The following TTLL10 variants were observed in gnomAD, a reference collection of about 807,000 sequenced individuals.
TTLL10 encodes the protein tubulin tyrosine ligase like 10, also known as inactive polyglycylase TTLL10.
Under a neutral mutation model 69.0 loss-of-function variants are expected in TTLL10, and 61 were observed. That is an observed-to-expected ratio of 0.88 (90% CI 0.72 to 1.09). The LOEUF (loss-of-function observed/expected upper bound fraction) is 1.09. Ranked by LOEUF, TTLL10 falls within the 50% of genes least tolerant of loss-of-function variation. The probability of loss-of-function intolerance (pLI) is 0.00; values close to 1 mark genes in which losing one functional copy is unlikely to be tolerated. For missense variants in TTLL10, 962 were observed against 945.9 expected (o/e 1.02, Z -0.22); for synonymous variants, 408 against 393.3 (o/e 1.04, Z -0.44).
intron 13 of TTLL10, among the ~76,000 whole-genome samples, chr1:1,189,364 G>A (rs1192917118): frequency 2.0e-5 from 3 of 152,212 alleles, no homozygotes; most frequent in Admixed American, 6.5e-5. Context: ...TCTCCACTGA[G>A]ATGAGTGTGT....
chr1:1,179,037 G>A (rs765051119), intron 3 of TTLL10, among the ~76,000 whole-genome samples, 152 bp from the exon 4 acceptor site: 3 of 152,226 alleles, frequency 2.0e-5, no homozygotes, highest in Non-Finnish European at 4.4e-5. Flanking sequence ...CACAGAGACG[G>A]GAGCCAGCCG....
At chr1:1,195,025 G>A (rs1648098715) in intron 13 of TTLL10, among the ~76,000 whole-genome samples, 1 of 152,026 alleles carries the variant, frequency 6.6e-6, no homozygotes, top group Admixed American at 6.6e-5. Context: ...CAGGGTTTCT[G>A]TCACCCAAGA....
At chr1:1,191,512 T>A (rs1446933083) in intron 13 of TTLL10, among the ~76,000 whole-genome samples, 1 of 152,232 alleles carries the variant, frequency 6.6e-6, no homozygotes, top group African/African-American at 2.4e-5. Context: ...TGTCCCAGCA[T>A]ATGGTCTATC....
chr1:1,197,762 G>A lies in TTLL10; in HGVS notation c.1937G>A (p.Gly646Asp). ...CAGGCCCCGGGCACGGAGCAGTCGG[G>A]CACAGGCAACAGGCACCCGGCGCAA... Reference protein sequence around the residue: ...EPQAPGTEQSGTGNRHPAQEP... With the variant: ...EPQAPGTEQSDTGNRHPAQEP... Residue 646 changes from glycine to aspartate, a missense_variant, in exon 16 of 16, where the codon GGC (glycine) becomes GAC (aspartate). Physicochemically the swap from Gly to Asp is moderately conservative, Grantham distance 94. Coordinates refer to ENST00000379289, the MANE Select transcript of TTLL10 (RefSeq NM_001130045.2). The A allele has an allele frequency of 6.5e-7, 1 of 1,535,436 alleles. No individual in the cohort carries two copies. Among genetic ancestry groups the A allele is most frequent in the Non-Finnish European group, 8.8e-7 (1 of 1,142,564 alleles).
intron 13 of TTLL10, among the ~76,000 whole-genome samples, chr1:1,193,306 CAG>C (rs1647965673): frequency 6.6e-6 from 1 of 152,114 alleles, no homozygotes; most frequent in Non-Finnish European, 1.5e-5. Flanking sequence ...GCCTGGGTGA[CAG>C]AGCGAGACTC....
chr1:1,186,378 T>G (rs1014302410), intron 13 of TTLL10, among the ~76,000 whole-genome samples: 10 of 152,176 alleles, frequency 6.6e-5, no homozygotes, highest in African/African-American at 2.4e-4. Context: ...CGTGAGCCAC[T>G]GCACCCAGCC....
chr1:1,180,230 G>A lies in TTLL10; in HGVS notation c.396G>A (p.Gly132=). The change falls in exon 6 of 16, where the codon GGG becomes GGA. Residue 132 remains glycine, a synonymous_variant. Transcript: ENST00000379289. ...PADSDDTNAA[G]PSAALLEGLL... is the part of the protein sequence containing the mutation. ...ACTCGGATGACACTAACGCCGCCGGGCCCTCAGCTGCCCTCCTGGAGGGGC... is the reference window on the plus strand; with the variant it reads ...ACTCGGATGACACTAACGCCGCCGGACCCTCAGCTGCCCTCCTGGAGGGGC... 1 of 1,607,256 alleles carries A rather than the reference G, an allele frequency of 6.2e-7. No individual in the cohort carries two copies.
In TTLL10 at chr1:1,197,605, A is replaced by G; in HGVS notation, c.1780A>G (p.Lys594Glu). ...GCCGCCCCTGCCCACCCGCCAGGCC[A>G]AGTCCTCCGGGCCACCCATGCCGCA... The part of the protein sequence containing the change: ...RWPPLPTRQA[K>E]SSGPPMPHAP... Residue 594 changes from lysine (K) to glutamate (E), a missense_variant, in exon 16 of 16, where the codon AAG becomes GAG. Physicochemically the swap from Lys to Glu is moderately conservative, Grantham distance 56. Transcript: ENST00000379289. 1 of 1,514,172 alleles carries G rather than the reference A, an allele frequency of 6.6e-7. No homozygotes were observed. The highest frequency in any genetic ancestry group is 1.2e-5 in the South Asian group (1 of 81,696). The allele number at this position is 1,514,172 out of a possible 1,614,324, so 93.8% of individuals were successfully genotyped here.
intron 13 of TTLL10, among the ~76,000 whole-genome samples, chr1:1,187,589 C>T (rs1647439133): frequency 6.6e-6 from 1 of 151,246 alleles, no homozygotes; most frequent in South Asian, 2.1e-4. Context: ...AAGATCGTGC[C>T]ACTGCACTCT....
At position 1,179,633 on chromosome 1, in the gene TTLL10, G is replaced by A. The variant is rs1387766790; in HGVS notation, c.119-24G>A. On this transcript the variant is annotated intron_variant, in intron 4 of 15. Transcript: ENST00000379289. Reference sequence around the variant, plus strand: ...TTGGGTCACCCATGACATCATCATGGACATTGTGACCCCTGCCCTCCAGGG... The same window carrying A: ...TTGGGTCACCCATGACATCATCATGAACATTGTGACCCCTGCCCTCCAGGG... 1.3e-5 allele frequency: 20 copies of A among 1,550,670 alleles called. No individual in the cohort carries two copies. The South Asian group carries it at 2.3e-4, about 18-fold the overall frequency.
At position 1,185,131 on chromosome 1, in the gene TTLL10, G is replaced by A; in HGVS notation, c.1401+22G>A. On this transcript the variant is annotated intron_variant, in intron 13 of 15. Transcript: ENST00000379289. The surrounding 1 kb of genome is among the most constrained non-coding windows in gnomAD (Gnocchi z 6.1). ...CAAGGTGCGTCCACTGTGCCCTCCA[G>A]TCTGGGAGTGAGATCCCTCGGGGCG... is the stretch of plus-strand genomic sequence containing the variant. 6.2e-7 allele frequency: 1 copy of A among 1,605,692 alleles called. No homozygotes were observed. Among genetic ancestry groups the A allele is most frequent in the Non-Finnish European group, 8.5e-7 (1 of 1,174,888 alleles).
intron 13 of TTLL10, among the ~76,000 whole-genome samples, chr1:1,193,710 C>T (rs1210714424): frequency 6.6e-6 from 1 of 152,184 alleles, no homozygotes; most frequent in Non-Finnish European, 1.5e-5. Context: ...GGTGATCTAC[C>T]CGCCTCAGCT....
chr1:1,177,244 C>T (rs1348501982), intron 3 of TTLL10, among the ~76,000 whole-genome samples: 6 of 149,514 alleles, frequency 4.0e-5, no homozygotes, highest in Non-Finnish European at 5.9e-5. Flanking sequence ...GTGCAAGTGT[C>T]GACATGTCTG....
At chr1:1,183,095 C>T (rs200505408) in intron 11 of TTLL10, 48 bp downstream of exon 11, 63 of 1,533,276 alleles carry the variant, frequency 4.1e-5, no homozygotes, top group Admixed American at 3.6e-4. Flanking sequence ...CTGGCTGACC[C>T]GGGCCCCACT....
chr1:1,191,013 G>A (rs1243517468), intron 13 of TTLL10, among the ~76,000 whole-genome samples: 1 of 152,126 alleles, frequency 6.6e-6, no homozygotes, highest in Non-Finnish European at 1.5e-5. Flanking sequence ...ATTATTAGTA[G>A]AGATGGGGGT....
rs551760005 is a variant in TTLL10 at position 1,180,292 on chromosome 1, C to T, written c.458C>T (p.Thr153Ile). 7.5e-6 allele frequency: 12 copies of T among 1,590,928 alleles called. No individual in the cohort carries two copies. The African/African-American group carries it at 1.5e-4, about 20-fold the overall frequency. Residue 153 changes from threonine (T) to isoleucine (I), a missense_variant, in exon 6 of 16, where the codon ACC (threonine) becomes ATC (isoleucine). Coordinates refer to ENST00000379289, the MANE Select transcript of TTLL10 (RefSeq NM_001130045.2). ...LGGGKPSPHS[T>I]RPGPFFYIGG... ...GGTGGGAAGCCATCGCCCCACAGCACCCGGCCGGGGCCCTTCTTCTACATT... is the reference window on the plus strand; with the variant it reads ...GGTGGGAAGCCATCGCCCCACAGCATCCGGCCGGGGCCCTTCTTCTACATT...
intron 4 of TTLL10, 160 bp from the exon 5 acceptor site, chr1:1,179,497 G>A (rs1377073705): frequency 7.6e-6 from 10 of 1,312,344 alleles, no homozygotes; most frequent in East Asian, 2.5e-5. Flanking sequence ...TGTGGGCGCC[G>A]GGCTCTGCAG....
At chr1:1,187,806 G>A (rs1183226189) in intron 13 of TTLL10, among the ~76,000 whole-genome samples, 1 of 151,920 alleles carries the variant, frequency 6.6e-6, no homozygotes, top group Non-Finnish European at 1.5e-5. Flanking sequence ...TCAAGATGCT[G>A]AGGCAAGCGA....
At position 1,197,800 on chromosome 1, in the gene TTLL10, G is replaced by T; in HGVS notation, c.1975G>T (p.Gly659Trp). ...NRHPAQEPSP[G>W]TAKEEREEPE... ...GCACCCGGCGCAAGAGCCTTCCCCG[G>T]GGACAGCCAAGGAGGAACGCGAGGA... Residue 659 changes from glycine to tryptophan, a missense_variant, in exon 16 of 16, where the codon GGG becomes TGG. Gly to Trp is a radical substitution (Grantham distance 184, BLOSUM62 -2). Coordinates refer to ENST00000379289, the MANE Select transcript of TTLL10 (RefSeq NM_001130045.2). 8 of 1,526,926 alleles carry T rather than the reference G, an allele frequency of 5.2e-6. No homozygotes were observed. Among genetic ancestry groups the T allele is most frequent in the African/African-American group, 1.4e-5 (1 of 70,856 alleles). 94.6% of individuals were successfully genotyped at this position (1,526,926 alleles called of 1,614,324 possible). A position where few individuals can be genotyped will look rare whatever the true frequency, so the allele number is the denominator to read the frequency against.
Sources: gnomAD v4.1 joint callset for allele counts (sites outside exome capture counted in the v4.1 genomes callset) on GRCh38, gnomAD v4.1.1 for gene constraint, Gnocchi (gnomAD v3.1) non-coding constraint, MANE v1.5 for transcripts, NCBI Gene and HGNC (gene_info 2026-07-23, HGNC 2026-07-21) for gene names.